The following ANKS1B variants were observed in gnomAD, a reference collection of about 807,000 sequenced individuals.
ANKS1B encodes ankyrin repeat and sterile alpha motif domain containing 1B.
Under a neutral mutation model 148.3 loss-of-function variants are expected in ANKS1B, and 36 were observed. The observed-to-expected ratio is 0.24, with a 90% confidence interval of 0.19 to 0.32. The LOEUF (loss-of-function observed/expected upper bound fraction) is 0.32, where lower values mean the gene tolerates loss of function less well. Ranked by LOEUF, ANKS1B falls within the 10% of genes least tolerant of loss-of-function variation. The probability of loss-of-function intolerance (pLI) is 1.00; values close to 1 mark genes in which losing one functional copy is unlikely to be tolerated. For synonymous variants in ANKS1B, 542 were observed against 560.8 expected (o/e 0.97, Z 0.47); for missense variants, 1,157 against 1,542.6 (o/e 0.75, Z 4.19).
At chr12:99,642,086 ACAT>A (rs2098313727) in intron 9 of ANKS1B, among the ~76,000 whole-genome samples, 2 of 152,172 alleles carry the variant, frequency 1.3e-5, no homozygotes, top group African/African-American at 2.4e-5. Flanking sequence ...ATCACTATTA[ACAT>A]CATCATCATA....
intron 12 of ANKS1B, among the ~76,000 whole-genome samples, chr12:99,331,076 C>T (rs764814523): frequency 6.6e-6 from 1 of 151,820 alleles, no homozygotes; most frequent in Non-Finnish European, 1.5e-5. Flanking sequence ...CACTTGCATC[C>T]AAATAATACA....
At chr12:98,894,548 C>T (rs1379344986) in intron 17 of ANKS1B, 1 of 983,474 alleles carries the variant, frequency 1.0e-6, no homozygotes, top group Admixed American at 6.1e-5. Flanking sequence ...CCGCCTCTGC[C>T]CCGGCTGCGG....
intron 12 of ANKS1B, among the ~76,000 whole-genome samples, chr12:99,383,563 A>G (rs1462133705): frequency 6.6e-6 from 1 of 152,138 alleles, no homozygotes; most frequent in African/African-American, 2.4e-5. Context: ...CTCCTTTGTG[A>G]CCACATAATT....
intron 15 of ANKS1B, among the ~76,000 whole-genome samples, chr12:99,103,489 A>G (rs2058468868): frequency 6.6e-6 from 1 of 152,184 alleles, no homozygotes; most frequent in African/African-American, 2.4e-5. Context: ...CTCAATTGAT[A>G]TCCCTTATCT....
chr12:99,278,999 T>C (rs899511089), intron 12 of ANKS1B, among the ~76,000 whole-genome samples: 1 of 152,304 alleles, frequency 6.6e-6, no homozygotes, highest in East Asian at 1.9e-4. Flanking sequence ...GCGAATCCCC[T>C]GAAGACAAAG....
At chr12:99,210,572 T>C (rs114099361) in intron 14 of ANKS1B, among the ~76,000 whole-genome samples, 1 of 152,212 alleles carries the variant, frequency 6.6e-6, no homozygotes, top group Admixed American at 6.5e-5. Flanking sequence ...TGTACTAGTG[T>C]TCCCTTTTAT....
Position 99,529,486 on chromosome 12 carries a change from C to T in ANKS1B, c.1273-24845G>A, listed in dbSNP as rs927477599. ...TGGCCAACATGGTGAAATGCTGTCT[C>T]TACTAAAAATACAAAAATGAGCAGG... On this transcript the variant is annotated intron_variant, in intron 9 of 26. Coordinates refer to ENST00000683438, the MANE Select transcript of ANKS1B (RefSeq NM_001352186.2). Among the ~76,000 whole-genome samples the T allele has an allele frequency of 3.9e-5, 6 of 152,204 alleles. 1 individual carries two copies. The highest frequency in any genetic ancestry group is 3.9e-4 in the East Asian group (2 of 5,176).
At chr12:99,735,807 C>CAAAAAAAAAAA (rs376398944) in intron 8 of ANKS1B, among the ~76,000 whole-genome samples, 11 of 108,918 alleles carry the variant, frequency 1.0e-4, no homozygotes, top group Non-Finnish European at 1.5e-4. Flanking sequence ...GGACATATAC[C>CAAAAAAAAAAA]AAAAAAAAAA....
chr12:99,313,455 A>T (rs2083484596), intron 12 of ANKS1B, among the ~76,000 whole-genome samples: 1 of 152,150 alleles, frequency 6.6e-6, no homozygotes, highest in Admixed American at 6.5e-5. Flanking sequence ...CCGGGCAGAG[A>T]CACAACAACA....
At chr12:99,579,010 A>G (rs906202302) in intron 9 of ANKS1B, among the ~76,000 whole-genome samples, 2 of 152,142 alleles carry the variant, frequency 1.3e-5, no homozygotes, top group Admixed American at 6.6e-5. Context: ...TACACAGACC[A>G]ACGGAACAGA....
At chr12:98,828,109 A>T (rs2099265227) in intron 19 of ANKS1B, among the ~76,000 whole-genome samples, 1 of 152,174 alleles carries the variant, frequency 6.6e-6, no homozygotes, top group Admixed American at 6.6e-5. Flanking sequence ...CCATAATCCC[A>T]ACATTGCCAT....
At chr12:98,788,377 T>C (rs1408371435) in intron 22 of ANKS1B, among the ~76,000 whole-genome samples, 1 of 152,224 alleles carries the variant, frequency 6.6e-6, no homozygotes, top group African/African-American at 2.4e-5. Context: ...AAAGCCTTCT[T>C]GACAGGGTAG....
At chr12:98,806,778 T>C (rs2153611671) in intron 20 of ANKS1B, among the ~76,000 whole-genome samples, 1 of 152,344 alleles carries the variant, frequency 6.6e-6, no homozygotes, top group East Asian at 1.9e-4. Context: ...ACTGAATTTG[T>C]TCCTTTAGAT....
chr12:99,619,524 C>A lies in ANKS1B; in HGVS notation c.1272+35543G>T, dbSNP rs1031007418. Among the ~76,000 whole-genome samples, 22 of 152,176 alleles carry A rather than the reference C, an allele frequency of 1.4e-4. No individual in the cohort carries two copies. In the South Asian group the frequency reaches 4.6e-3, roughly 32 times the overall value. ...GTTCAGCAGCCTGAACCTTCCCACC[C>A]TTCCTGGGCATAGATTGTGGTGCAG... On this transcript the variant is annotated intron_variant, in intron 9 of 26. Transcript: ENST00000683438.
At chr12:99,476,956 G>A (rs527685125) in intron 10 of ANKS1B, among the ~76,000 whole-genome samples, 130 of 152,158 alleles carry the variant, frequency 8.5e-4, no homozygotes, top group African/African-American at 3.0e-3. Context: ...TGGGTTGAGG[G>A]CCTCAGTTTC....
At chr12:99,220,446 TTTC>T (rs1309647606) in intron 14 of ANKS1B, among the ~76,000 whole-genome samples, 2 of 141,350 alleles carry the variant, frequency 1.4e-5, no homozygotes, top group Non-Finnish European at 1.5e-5. Flanking sequence ...AAAAGTAGCA[TTTC>T]TTTTTTTTTT....
chr12:98,821,634 A>G (rs1225585103), intron 19 of ANKS1B, among the ~76,000 whole-genome samples: 1 of 152,162 alleles, frequency 6.6e-6, no homozygotes, highest in Non-Finnish European at 1.5e-5. Context: ...TTTGAGACAG[A>G]GTCTTGCTCT....
chr12:99,304,591 G>T (rs1350377729), intron 12 of ANKS1B, among the ~76,000 whole-genome samples: 1 of 152,040 alleles, frequency 6.6e-6, no homozygotes, highest in African/African-American at 2.4e-5. Context: ...TGATTGAAAA[G>T]AAGGCTGAAA....
At chr12:99,017,054 G>A (rs543556219) in intron 17 of ANKS1B, among the ~76,000 whole-genome samples, 1 of 152,174 alleles carries the variant, frequency 6.6e-6, no homozygotes, top group South Asian at 2.1e-4. Flanking sequence ...TATTTGATGG[G>A]GTTGAGAAAT....
Sources: gnomAD v4.1 joint callset for allele counts (sites outside exome capture counted in the v4.1 genomes callset) on GRCh38, gnomAD v4.1.1 for gene constraint, MANE v1.5 for transcripts, NCBI Gene and HGNC (gene_info 2026-07-23, HGNC 2026-07-21) for gene names.